The following RARB variants were observed in gnomAD, a reference collection of about 807,000 sequenced individuals.
RARB encodes retinoic acid receptor beta.
RARB carries 17 observed loss-of-function variants against 51.9 expected under a neutral mutation model. That is an observed-to-expected ratio of 0.33 (90% CI 0.22 to 0.49). The LOEUF is 0.49. RARB is among the 20% of genes least tolerant of loss of function. RARB has a pLI of 0.99. For missense variants in RARB, 369 were observed against 550.8 expected (o/e 0.67, Z 3.30); for synonymous variants, 215 against 195.4 (o/e 1.10, Z -0.84).
chr3:24,906,988 A>G (rs561109823), intron 2 of RARB, among the ~76,000 whole-genome samples: 1 of 152,308 alleles, frequency 6.6e-6, no homozygotes, highest in South Asian at 2.1e-4. Flanking sequence ...TTCACAAGCC[A>G]GGAGACAGTC....
chr3:25,343,483 A>G (rs1705294965), intron 5 of RARB, among the ~76,000 whole-genome samples: 1 of 151,110 alleles, frequency 6.6e-6, no homozygotes, highest in Non-Finnish European at 1.5e-5. Flanking sequence ...AGTATTTCCT[A>G]TATTTTGAAT....
At chr3:25,329,829 T>A (rs979539844) in intron 5 of RARB, among the ~76,000 whole-genome samples, 1 of 152,130 alleles carries the variant, frequency 6.6e-6, no homozygotes, top group Non-Finnish European at 1.5e-5. Flanking sequence ...AATGGCCTGA[T>A]GGAGCTAAAA....
At chr3:24,931,938 T>C (rs1695450372) in intron 2 of RARB, among the ~76,000 whole-genome samples, 1 of 152,116 alleles carries the variant, frequency 6.6e-6, no homozygotes, top group Non-Finnish European at 1.5e-5. Flanking sequence ...TGCAGCCTGT[T>C]TCCAGACTTA....
intron 2 of RARB, among the ~76,000 whole-genome samples, chr3:24,880,941 T>A (rs534272135): frequency 1.3e-5 from 2 of 152,200 alleles, no homozygotes; most frequent in Non-Finnish European, 1.5e-5. Flanking sequence ...TTCTTTGGGA[T>A]CTAATATGGT....
chr3:25,168,325 A>G (rs1700591850), intron 4 of RARB, among the ~76,000 whole-genome samples: 1 of 152,072 alleles, frequency 6.6e-6, no homozygotes, highest in African/African-American at 2.4e-5. Flanking sequence ...GGTTCAAGCA[A>G]TTGATTCTCC....
intron 4 of RARB, among the ~76,000 whole-genome samples, chr3:25,576,394 G>T (rs1172610373): frequency 1.3e-5 from 2 of 152,180 alleles, no homozygotes; most frequent in Non-Finnish European, 2.9e-5. Context: ...GCCCCTTCCA[G>T]CAGCTGGGAC....
intron 3 of RARB, among the ~76,000 whole-genome samples, chr3:25,535,951 C>G (rs575474292): frequency 6.6e-6 from 1 of 152,118 alleles, no homozygotes; most frequent in Non-Finnish European, 1.5e-5. Context: ...GCCCCACCTT[C>G]CATCGTAGGT....
At chr3:25,034,079 G>A (rs1023814437) in intron 2 of RARB, among the ~76,000 whole-genome samples, 43 of 152,234 alleles carry the variant, frequency 2.8e-4, no homozygotes, top group Non-Finnish European at 7.4e-5. Flanking sequence ...CTGCTCCTGC[G>A]CTCACAATGG....
chr3:24,993,197 G>A (rs146763445), intron 2 of RARB, among the ~76,000 whole-genome samples: 50 of 152,184 alleles, frequency 3.3e-4, no homozygotes, highest in Non-Finnish European at 6.3e-4. Flanking sequence ...AATCAGAGAT[G>A]CTAAAAATAT....
intron 2 of RARB, among the ~76,000 whole-genome samples, chr3:24,923,219 C>A (rs765611885): frequency 1.3e-5 from 2 of 152,114 alleles, no homozygotes; most frequent in African/African-American, 4.8e-5. Context: ...TTAATTCTAG[C>A]AATATATTTG....
intron 2 of RARB, among the ~76,000 whole-genome samples, chr3:24,952,372 C>T (rs1695913423): frequency 6.6e-6 from 1 of 152,086 alleles, no homozygotes; most frequent in Non-Finnish European, 1.5e-5. Flanking sequence ...CAATGAAATA[C>T]ACATTATCTG....
Position 24,896,782 on chromosome 3 carries a change from A to C in RARB, c.-380+38030A>C, listed in dbSNP as rs144372089. On this transcript the variant is annotated intron_variant, in intron 2 of 11. Coordinates refer to the RARB transcript ENST00000383772. Reference sequence around the variant, plus strand: ...GAATAGGCTAGAGAGTTGTGTTTGAAACGAACTTGGAATGGGGCAGTATAG... The same window carrying C: ...GAATAGGCTAGAGAGTTGTGTTTGACACGAACTTGGAATGGGGCAGTATAG... Among the ~76,000 whole-genome samples, 60 of 152,314 alleles carry C rather than the reference A, an allele frequency of 3.9e-4. No individual in the cohort carries two copies. The East Asian group carries it at 0.011, about 28-fold the overall frequency.
chr3:25,166,594 T>C (rs1244552056), intron 4 of RARB, among the ~76,000 whole-genome samples: 2 of 152,228 alleles, frequency 1.3e-5, no homozygotes, highest in Non-Finnish European at 2.9e-5. Flanking sequence ...AAAAAATCTC[T>C]CTTTTTCACT....
chr3:25,375,874 C>G (rs924704721), intron 5 of RARB, among the ~76,000 whole-genome samples: 2 of 152,170 alleles, frequency 1.3e-5, no homozygotes, highest in African/African-American at 4.8e-5. Context: ...AGCCAGACTT[C>G]CAGGATTCAA....
intron 3 of RARB, among the ~76,000 whole-genome samples, chr3:25,511,663 A>T (rs2125621235): frequency 6.6e-6 from 1 of 152,220 alleles, no homozygotes; most frequent in South Asian, 2.1e-4. Context: ...TATCTTAGGA[A>T]TAGAAGCAGA....
intron 2 of RARB, among the ~76,000 whole-genome samples, chr3:25,036,949 T>G (rs1698008099): frequency 6.6e-6 from 1 of 152,196 alleles, no homozygotes; most frequent in Non-Finnish European, 1.5e-5. Context: ...GTGTCAGGTG[T>G]GCTCAGTGAG....
At chr3:25,459,030 G>C (rs1695043938) in intron 1 of RARB, among the ~76,000 whole-genome samples, 1 of 152,292 alleles carries the variant, frequency 6.6e-6, no homozygotes, top group Non-Finnish European at 1.5e-5. Flanking sequence ...ATGCAGGTGA[G>C]TTTCTTTCCC....
At chr3:25,446,798 G>A (rs1441824020) in intron 1 of RARB, among the ~76,000 whole-genome samples, 12 of 70,332 alleles carry the variant, frequency 1.7e-4, no homozygotes, top group East Asian at 3.8e-4. Flanking sequence ...GCCAGACTCC[G>A]TCTCAAAAAA....
intron 5 of RARB, among the ~76,000 whole-genome samples, chr3:25,299,302 A>G (rs1182391104): frequency 2.6e-5 from 4 of 152,104 alleles, no homozygotes; most frequent in African/African-American, 7.2e-5. Context: ...GGCCCAGGTG[A>G]TCCTCCTACC....
Sources: gnomAD v4.1 joint callset for allele counts (sites outside exome capture counted in the v4.1 genomes callset) on GRCh38, gnomAD v4.1.1 for gene constraint, MANE v1.5 for transcripts, NCBI Gene and HGNC (gene_info 2026-07-23, HGNC 2026-07-21) for gene names.